SREBF2: variants seen among roughly 807,000 people sequenced by gnomAD.
SREBF2 encodes the protein sterol regulatory element-binding protein 2.
In SREBF2, 55 loss-of-function variants were observed where a neutral mutation model predicts 113.1. That is an observed-to-expected ratio of 0.49 (90% CI 0.39 to 0.61). The LOEUF is 0.61. Among genes scored for constraint, SREBF2 ranks in the 20% least tolerant of loss-of-function variants. SREBF2 has a pLI of 0.00. For synonymous variants in SREBF2, 593 were observed against 605.7 expected, an observed-to-expected ratio of 0.98 and a Z score of 0.31; for missense variants, 1,349 against 1,487.4, an observed-to-expected ratio of 0.91 and a Z score of 1.53.
chr22:41,877,193 CA>C (rs1169358638), intron 7 of SREBF2, 35 bp from the exon 8 acceptor site: 2 of 1,598,490 alleles, frequency 1.3e-6, no homozygotes, highest in East Asian at 2.2e-5. Context: ...AAAACCTATG[CA>C]GTATTTATTC....
chr22:41,905,256 C>A (rs765967122), intron 18 of SREBF2, among the ~76,000 whole-genome samples, 184 bp from the exon 19 acceptor site: 10 of 152,236 alleles, frequency 6.6e-5, no homozygotes, highest in Non-Finnish European at 1.5e-4. Context: ...CCCATCTCAG[C>A]CCCACCACGG....
intron 1 of SREBF2, among the ~76,000 whole-genome samples, chr22:41,861,121 A>G (rs2077023267): frequency 6.6e-6 from 1 of 152,218 alleles, no homozygotes; most frequent in Admixed American, 6.5e-5. Flanking sequence ...AACAATTTGC[A>G]TGCATGTGCA....
intron 4 of SREBF2, 34 bp downstream of exon 4, chr22:41,871,069 C>T (rs1263850064): frequency 6.2e-7 from 1 of 1,613,104 alleles, no homozygotes; most frequent in Non-Finnish European, 8.5e-7. Flanking sequence ...CCTCCTCCCT[C>T]CCCCTTTATT....
chr22:41,894,655 C>T (rs1340326576), intron 12 of SREBF2, among the ~76,000 whole-genome samples, 165 bp from the exon 13 acceptor site: 1 of 152,170 alleles, frequency 6.6e-6, no homozygotes, highest in East Asian at 1.9e-4. Context: ...TGAACACTCT[C>T]CCCCATCCTC....
At chr22:41,840,205 G>A (rs1001584347) in intron 1 of SREBF2, among the ~76,000 whole-genome samples, 3 of 151,922 alleles carry the variant, frequency 2.0e-5, no homozygotes, top group Non-Finnish European at 2.9e-5. Context: ...TGATCCACCC[G>A]ACTCGGTCTC....
At chr22:41,878,174 T>G (rs765743837) in intron 9 of SREBF2, 51 bp downstream of exon 9, 4 of 1,608,724 alleles carry the variant, frequency 2.5e-6, no homozygotes, top group Non-Finnish European at 3.4e-6. Flanking sequence ...TGACAAATAA[T>G]TCAGCAACTC....
chr22:41,897,673 G>A (rs2077428720), intron 14 of SREBF2, among the ~76,000 whole-genome samples: 2 of 152,198 alleles, frequency 1.3e-5, no homozygotes, highest in Non-Finnish European at 2.9e-5. Flanking sequence ...CAGGATGATA[G>A]CACATCAGCT....
rs375949618 is a variant in SREBF2, at chr22:41,893,200, C to G, written c.2292C>G (p.Pro764=). 2.3e-5 allele frequency: 37 copies of G among 1,614,054 alleles called. No homozygotes were observed. In the South Asian group the frequency reaches 3.1e-4, roughly 13 times the overall value. The change falls in exon 12 of 19, where the codon CCC becomes CCG. Residue 764 remains proline (P), a synonymous_variant. Transcript: ENST00000361204. ...ACTCCCTGCGCTGGCTCTGCCACCC[C>G]CTGGGCCAGAAGTTTTTCATGGAGC... ...VPDSLRWLCH[P]LGQKFFMERS...
At chr22:41,902,607 A>G (rs545739117) in intron 16 of SREBF2, among the ~76,000 whole-genome samples, 2 of 152,138 alleles carry the variant, frequency 1.3e-5, no homozygotes, top group Non-Finnish European at 2.9e-5. Flanking sequence ...CCTCCTAGCC[A>G]GCCATGGTGG....
rs143473196 is a variant in SREBF2, at chr22:41,887,505, G to C, written c.2208+2494G>C. Among the ~76,000 whole-genome samples the C allele has an allele frequency of 2.6e-5, 4 of 152,260 alleles. No homozygotes were observed. The East Asian group carries it at 7.7e-4, about 29-fold the overall frequency. Reference sequence around the variant, plus strand: ...AGAGTCTTGCAGTATACACTGTTTTGTGTCTGACTTATTTTGCTCAATATC... The same window carrying C: ...AGAGTCTTGCAGTATACACTGTTTTCTGTCTGACTTATTTTGCTCAATATC... On this transcript the variant is annotated intron_variant, in intron 11 of 18. Coordinates refer to ENST00000361204, the MANE Select transcript of SREBF2 (RefSeq NM_004599.4).
intron 17 of SREBF2, chr22:41,904,466 T>G (rs2146564491): frequency 2.3e-6 from 1 of 438,170 alleles, no homozygotes; most frequent in Admixed American, 2.8e-5. Context: ...CAAACCTCTC[T>G]GGTACCAGCC....
At position 41,863,482 on chromosome 22, in the gene SREBF2, C is replaced by T. The variant is rs867643284; in HGVS notation, c.89-3349C>T. Reference sequence around the variant, plus strand: ...AAAGGTTCAACAAATTCTTAGATTTCTCTTAGTCATTTTCTTAAAGCATTT... The same window carrying T: ...AAAGGTTCAACAAATTCTTAGATTTTTCTTAGTCATTTTCTTAAAGCATTT... On this transcript the variant is annotated intron_variant, in intron 1 of 18. Coordinates refer to ENST00000361204, the MANE Select transcript of SREBF2 (RefSeq NM_004599.4). 4.6e-5 allele frequency among the ~76,000 whole-genome samples: 7 copies of T among 152,324 alleles called. No homozygotes were observed. The South Asian group carries it at 1.4e-3, about 32-fold the overall frequency.
At chr22:41,849,583 TTAA>T in intron 1 of SREBF2, among the ~76,000 whole-genome samples, 1 of 152,308 alleles carries the variant, frequency 6.6e-6, no homozygotes, top group Non-Finnish European at 1.5e-5. Context: ...AGGATCTCAG[TTAA>T]TGTTTCTTGA....
At chr22:41,878,304 G>C (rs2077216046) in intron 9 of SREBF2, among the ~76,000 whole-genome samples, 181 bp downstream of exon 9, 1 of 152,186 alleles carries the variant, frequency 6.6e-6, no homozygotes, top group African/African-American at 2.4e-5. Context: ...CCAGGGACAT[G>C]AGATGATCTA....
Position 41,900,369 on chromosome 22 carries a change from C to T in SREBF2, c.2778C>T (p.Ala926=), listed in dbSNP as rs2077455002. 4 of 1,613,744 alleles carry T rather than the reference C, an allele frequency of 2.5e-6. No individual in the cohort carries two copies. Among genetic ancestry groups the T allele is most frequent in the East Asian group, 2.2e-5 (1 of 44,892 alleles). ...LVKAIFHACR[A]MHASLPGKAD... ...AGGCCATCTTCCATGCCTGCAGAGC[C>T]ATGCATGCCTCACTCCCTGGGAAAG... Residue 926 remains alanine, a synonymous_variant, in exon 16 of 19, where the codon GCC becomes GCT. Transcript: ENST00000361204.
rs1190404282 is a variant in SREBF2 at position 41,839,984 on chromosome 22, G to A, written c.88+6626G>A. ...TTTTTTTTTTTTTTTTTTTGAGACG[G>A]AGTCTCACTCTGTCGCCCAGGCTGA... On this transcript the variant is annotated intron_variant, in intron 1 of 18. Coordinates refer to ENST00000361204, the MANE Select transcript of SREBF2 (RefSeq NM_004599.4). Among the ~76,000 whole-genome samples, 3 of 140,072 alleles carry A rather than the reference G, an allele frequency of 2.1e-5. No homozygotes were observed. In the South Asian group the frequency reaches 6.7e-4, roughly 31 times the overall value. The allele number at this position is 140,072 out of a possible 152,430, so 91.9% of individuals were successfully genotyped here.
rs548406081 is a variant in SREBF2, at chr22:41,880,751, C to A, written c.1797C>A (p.Thr599=). 16 of 1,614,216 alleles carry A rather than the reference C, an allele frequency of 9.9e-6. No individual in the cohort carries two copies. The South Asian group carries it at 1.5e-4, about 16-fold the overall frequency. ...DFAAAAGNLQ[T]CLAVLGRALP... The stretch of plus-strand genomic sequence containing the variant: ...CAGCTGCTGCCGGCAACCTACAAAC[C>A]TGCCTGGCAGTTTTGGGCCGGGCAC... The change falls in exon 10 of 19, where the codon ACC becomes ACA. Residue 599 remains threonine, a synonymous_variant. Transcript: ENST00000361204.
chr22:41,866,916 T>C lies in SREBF2; in HGVS notation c.174T>C (p.Gly58=), dbSNP rs780927068. 8.7e-6 allele frequency: 14 copies of C among 1,613,792 alleles called. No individual in the cohort carries two copies. The highest frequency in any genetic ancestry group is 1.2e-5 in the Non-Finnish European group (14 of 1,179,902). The change falls in exon 2 of 19, where the codon GGT becomes GGC. Residue 58 remains glycine (G), a synonymous_variant. Coordinates refer to ENST00000361204, the MANE Select transcript of SREBF2 (RefSeq NM_004599.4). ...EQLCSSFPGS[G]GSGSSSGSSG... is the part of the protein sequence containing the mutation. ...TGTGTAGCTCCTTTCCTGGCAGTGG[T>C]GGTAGTGGTAGCAGCAGCGGCAGCA...
chr22:41,894,418 G>A (rs2077392518), intron 12 of SREBF2, among the ~76,000 whole-genome samples: 1 of 152,212 alleles, frequency 6.6e-6, no homozygotes, highest in Non-Finnish European at 1.5e-5. Flanking sequence ...TGTCATGAGC[G>A]TGGCAGCAGC....
Sources: gnomAD v4.1 joint callset for allele counts (sites outside exome capture counted in the v4.1 genomes callset) on GRCh38, gnomAD v4.1.1 for gene constraint, MANE v1.5 for transcripts, NCBI Gene and HGNC (gene_info 2026-07-23, HGNC 2026-07-21) for gene names.